BNC2: variants seen among roughly 807,000 people sequenced by gnomAD.
The protein encoded by BNC2 is basonuclin zinc finger protein 2.
Under a neutral mutation model 76.3 loss-of-function variants are expected in BNC2, and 20 were observed. The ratio of observed to expected loss-of-function variants is 0.26; its 90% confidence interval spans 0.18 to 0.38. The LOEUF is 0.38. Among genes scored for constraint, BNC2 ranks in the 10% least tolerant of loss-of-function variants. The pLI, the probability that BNC2 is intolerant of heterozygous loss-of-function variation, is 1.00. For synonymous variants in BNC2, 582 were observed against 514.8 expected (o/e 1.13, Z -1.77); for missense variants, 1,382 against 1,399.8 (o/e 0.99, Z 0.20).
chr9:16,454,619 G>C (rs539405237), intron 5 of BNC2, among the ~76,000 whole-genome samples: 1 of 152,072 alleles, frequency 6.6e-6, no homozygotes, highest in Non-Finnish European at 1.5e-5. Context: ...GAATTATGCT[G>C]TTCTTATACC....
intron 4 of BNC2, among the ~76,000 whole-genome samples, chr9:16,571,505 G>A (rs906315281): frequency 1.3e-5 from 2 of 152,068 alleles, no homozygotes; most frequent in South Asian, 4.2e-4. Flanking sequence ...CCACACAGCC[G>A]TTGCTTGCTG....
At chr9:16,550,998 T>G (rs892323637) in intron 5 of BNC2, among the ~76,000 whole-genome samples, 2 of 152,156 alleles carry the variant, frequency 1.3e-5, no homozygotes, top group East Asian at 3.9e-4. Flanking sequence ...AGTTCCTGAT[T>G]TATTTTTCCT....
chr9:16,439,481 C>G (rs546126505), intron 5 of BNC2, among the ~76,000 whole-genome samples: 13 of 152,286 alleles, frequency 8.5e-5, no homozygotes, highest in African/African-American at 3.1e-4. Flanking sequence ...TGAATAAAGT[C>G]TCTAGATTAG....
At chr9:16,583,368 G>T (rs1587199696) in intron 3 of BNC2, among the ~76,000 whole-genome samples, 1 of 152,054 alleles carries the variant, frequency 6.6e-6, no homozygotes, top group Non-Finnish European at 1.5e-5. Flanking sequence ...TAAGATACCG[G>T]ATTTACGACA....
intron 3 of BNC2, among the ~76,000 whole-genome samples, chr9:16,586,134 C>T (rs7350234): frequency 0.9 from 136,633 of 151,816 alleles, 61,801 homozygotes; most frequent in East Asian, 1. Context: ...TTGTCGTTCA[C>T]AGAATGTACC....
chr9:16,722,293 G>T (rs1188609805), intron 3 of BNC2, among the ~76,000 whole-genome samples: 1 of 152,178 alleles, frequency 6.6e-6, no homozygotes, highest in East Asian at 1.9e-4. Flanking sequence ...GCCTTACTCA[G>T]CATCTAATTA....
At chr9:16,523,961 A>G (rs1209239287) in intron 5 of BNC2, among the ~76,000 whole-genome samples, 1 of 152,180 alleles carries the variant, frequency 6.6e-6, no homozygotes, top group Non-Finnish European at 1.5e-5. Context: ...TCAAAAAAGA[A>G]TATTTTAATA....
At chr9:16,444,531 G>A (rs1413543652) in intron 5 of BNC2, among the ~76,000 whole-genome samples, 1 of 152,026 alleles carries the variant, frequency 6.6e-6, no homozygotes, top group African/African-American at 2.4e-5. Flanking sequence ...TCTAACTTCT[G>A]GATCACCTCA....
chr9:16,702,390 C>T (rs1032587174), intron 3 of BNC2, among the ~76,000 whole-genome samples: 1 of 152,102 alleles, frequency 6.6e-6, no homozygotes, highest in Non-Finnish European at 1.5e-5. Flanking sequence ...CCAACAGAAT[C>T]GGCCAACTTT....
At chr9:16,732,162 A>AAAAAAAAAAAAAAAAAAG (rs59888253) in intron 2 of BNC2, among the ~76,000 whole-genome samples, 24 of 123,564 alleles carry the variant, frequency 1.9e-4, no homozygotes, top group Non-Finnish European at 2.7e-4. Context: ...TCCTGCAAAA[A>AAAAAAAAAAAAAAAAAAG]AAAAAGAAAA....
chr9:16,818,275 G>A (rs1057302535), intron 1 of BNC2, among the ~76,000 whole-genome samples: 8 of 152,038 alleles, frequency 5.3e-5, no homozygotes, highest in Non-Finnish European at 7.4e-5. Context: ...GAGTTGGCGG[G>A]CGCCTGTAGT....
At chr9:16,866,250 G>A (rs543084236) in intron 1 of BNC2, among the ~76,000 whole-genome samples, 12 of 151,924 alleles carry the variant, frequency 7.9e-5, no homozygotes, top group Middle Eastern at 6.8e-3. Context: ...CTTATTTTTT[G>A]ATCCATAATA....
intron 3 of BNC2, among the ~76,000 whole-genome samples, chr9:16,623,943 G>C (rs1440779709): frequency 6.6e-6 from 1 of 152,166 alleles, no homozygotes; most frequent in Non-Finnish European, 1.5e-5. Flanking sequence ...TTGCTTAAAT[G>C]TCAAACTTGG....
intron 1 of BNC2, among the ~76,000 whole-genome samples, chr9:16,747,182 G>C (rs1022144372): frequency 6.6e-6 from 1 of 151,988 alleles, no homozygotes; most frequent in African/African-American, 2.4e-5. Context: ...TCTTCACAGG[G>C]TACATAAATA....
At chr9:16,458,902 C>G (rs1373935704) in intron 5 of BNC2, among the ~76,000 whole-genome samples, 3 of 152,176 alleles carry the variant, frequency 2.0e-5, no homozygotes, top group Non-Finnish European at 1.5e-5. Flanking sequence ...GAGGAGAGAA[C>G]AATGAGCAAA....
intron 1 of BNC2, among the ~76,000 whole-genome samples, chr9:16,857,645 GCA>G (rs1819296045): frequency 6.6e-6 from 1 of 152,008 alleles, no homozygotes; most frequent in African/African-American, 2.4e-5. Context: ...ATGAAAAAAT[GCA>G]CACTCGCTTT....
chr9:16,618,272 T>C (rs1820767322), intron 3 of BNC2, among the ~76,000 whole-genome samples: 1 of 152,194 alleles, frequency 6.6e-6, no homozygotes, highest in African/African-American at 2.4e-5. Flanking sequence ...AGGTTGCATT[T>C]AACACCTCTT....
At chr9:16,757,262 C>T (rs921016078) in intron 1 of BNC2, among the ~76,000 whole-genome samples, 3 of 152,232 alleles carry the variant, frequency 2.0e-5, no homozygotes, top group African/African-American at 7.2e-5. Flanking sequence ...ATTTATTATA[C>T]GTATTTACAG....
intron 5 of BNC2, among the ~76,000 whole-genome samples, chr9:16,449,368 AT>A (rs1821292278): frequency 6.6e-6 from 1 of 152,028 alleles, no homozygotes; most frequent in Non-Finnish European, 1.5e-5. Flanking sequence ...TCTTATTAAT[AT>A]TTCCCCCTAG....
Sources: allele counts gnomAD v4.1 joint callset (sites outside exome capture counted in the v4.1 genomes callset), GRCh38; gene constraint gnomAD v4.1.1; transcripts MANE v1.5; gene names NCBI Gene and HGNC (gene_info 2026-07-23, HGNC 2026-07-21).